The following MYH15 variants were observed in gnomAD, a reference collection of about 807,000 sequenced individuals.
MYH15 encodes myosin heavy chain 15.
A neutral mutation model predicts 240.5 loss-of-function variants in MYH15; 227 were observed. The ratio of observed to expected loss-of-function variants is 0.94; its 90% CI spans 0.85 to 1.05. The LOEUF (loss-of-function observed/expected upper bound fraction) is 1.05. Among genes scored for constraint, MYH15 ranks in the 50% least tolerant of loss-of-function variants. MYH15 has a pLI of 0.00. For missense variants in MYH15, 2,217 were observed against 2,247.5 expected, an observed-to-expected ratio of 0.99 and a Z score of 0.27; for synonymous variants, 785 against 796.7, an observed-to-expected ratio of 0.99 and a Z score of 0.25.
upstream of MYH15, among the ~76,000 whole-genome samples, chr3:108,532,122 T>C (rs982465064): frequency 3.3e-5 from 5 of 151,980 alleles, no homozygotes; most frequent in Non-Finnish European, 5.9e-5. Flanking sequence ...ATTTTCCCTA[T>C]ATAAAGATCC....
intron 1 of MYH15, among the ~76,000 whole-genome samples, chr3:108,521,828 T>C (rs1160738468): frequency 6.6e-6 from 1 of 152,174 alleles, no homozygotes; most frequent in African/African-American, 2.4e-5. Flanking sequence ...TCACAGGAAA[T>C]GGACATTAAA....
intron 13 of MYH15, 105 bp from the exon 14 acceptor site, chr3:108,470,317 G>A (rs1218259780): frequency 5.3e-6 from 4 of 757,778 alleles, no homozygotes; most frequent in Admixed American, 3.2e-5. Flanking sequence ...TATATGATCA[G>A]AAATAGACCC....
chr3:108,500,188 C>T lies in MYH15; in HGVS notation c.426G>A (p.Gly142=). 1.9e-6 allele frequency: 3 copies of T among 1,614,074 alleles called. No homozygotes were observed. Among genetic ancestry groups the T allele is most frequent in the Middle Eastern group, 1.6e-4 (1 of 6,062 alleles). ...YQKEVMAAYK[G]KRRSEAPPHI... ...GAGGGGGAGCCTCTGATCGCCTCTTCCCTTTGTAGGCGGCCATGACTTCTT... is the reference window on the plus strand; with the variant it reads ...GAGGGGGAGCCTCTGATCGCCTCTTTCCTTTGTAGGCGGCCATGACTTCTT... Residue 142 remains glycine, a synonymous_variant, in exon 4 of 41, where the codon GGG becomes GGA. Coordinates refer to ENST00000693548, the MANE Select transcript of MYH15 (RefSeq NM_014981.3).
Position 108,481,723 on chromosome 3 carries a change from C to T in MYH15, c.1114+3368G>A, listed in dbSNP as rs1398725790. ...TGAGAGACGAGAAAATGATAGATTTCGCTACTAACGGTAGGGATTAGAGAG... is the reference window on the plus strand; with the variant it reads ...TGAGAGACGAGAAAATGATAGATTTTGCTACTAACGGTAGGGATTAGAGAG... On this transcript the variant is annotated intron_variant, in intron 11 of 40. Transcript: ENST00000693548. Among the ~76,000 whole-genome samples, 4 of 152,090 alleles carry T rather than the reference C, an allele frequency of 2.6e-5. 1 individual carries two copies. The highest frequency in any genetic ancestry group is 6.6e-5 in the Admixed American group (1 of 15,260).
chr3:108,536,550 G>A, the MYH15 span, among the ~76,000 whole-genome samples: 4 of 152,172 alleles, frequency 2.6e-5, no homozygotes, highest in Non-Finnish European at 4.4e-5. Context: ...AGGGGAGAAA[G>A]GTGCTAACAT....
chr3:108,439,827 A>G lies in MYH15; in HGVS notation c.2985T>C (p.His995=). The change falls in exon 24 of 41, where the codon CAT becomes CAC. Residue 995 remains histidine, a synonymous_variant. Coordinates refer to ENST00000693548, the MANE Select transcript of MYH15 (RefSeq NM_014981.3). ...NRAAKVVQEA[H]QQTLDDLHME... ...TGTGCAGGTCATCCAGGGTCTGCTG[A>G]TGGGCCTCCTGCACAACCTTGGCTG... The G allele has an allele frequency of 3.1e-6, 5 of 1,613,652 alleles. No individual in the cohort carries two copies. The highest frequency in any genetic ancestry group is 4.2e-6 in the Non-Finnish European group (5 of 1,179,818).
rs1435167074 is a variant in MYH15, at chr3:108,408,342, T to C, written c.4558A>G (p.Lys1520Glu). Residue 1520 changes from lysine to glutamate, a missense_variant, in exon 32 of 41, where the codon AAG (lysine) becomes GAG (glutamate). Lys to Glu is a moderately conservative substitution (Grantham distance 56). Coordinates refer to ENST00000693548, the MANE Select transcript of MYH15 (RefSeq NM_014981.3). Reference protein sequence around the residue: ...EGTKNLTEMEKVKKLIEEEKT... With the variant: ...EGTKNLTEMEEVKKLIEEEKT... ...TCTTCTTCAATTAGTTTCTTGACCT[T>C]TTCCATTTCAGTTAAGTTCTTGGTC... The C allele has an allele frequency of 6.2e-7, 1 of 1,613,734 alleles. No individual in the cohort carries two copies. The highest frequency in any genetic ancestry group is 1.1e-5 in the South Asian group (1 of 91,036).
chr3:108,391,648 G>A, intron 37 of MYH15, 112 bp downstream of exon 37: 1 of 1,170,576 alleles, frequency 8.5e-7, no homozygotes, highest in South Asian at 1.5e-5. Context: ...AGTACTAAAA[G>A]CAAAAGTGAT....
At chr3:108,438,781 C>T (rs2082861840) in intron 24 of MYH15, among the ~76,000 whole-genome samples, 1 of 152,160 alleles carries the variant, frequency 6.6e-6, no homozygotes, top group South Asian at 2.1e-4. Flanking sequence ...AGGAAATAAA[C>T]TGCTATTTAT....
At chr3:108,456,001 A>G (rs2083016769) in intron 19 of MYH15, 142 bp from the exon 20 acceptor site, 1 of 831,940 alleles carries the variant, frequency 1.2e-6, no homozygotes, top group Non-Finnish European at 1.9e-6. Flanking sequence ...ATTCTTAGTA[A>G]CAATAATGAG....
At chr3:108,411,610 A>G (rs2082593620) in intron 30 of MYH15, among the ~76,000 whole-genome samples, 1 of 152,060 alleles carries the variant, frequency 6.6e-6, no homozygotes, top group Non-Finnish European at 1.5e-5. Context: ...TTCTTTCTCC[A>G]CCACCCCCGT....
chr3:108,469,265 A>G (rs2083149862), intron 14 of MYH15, among the ~76,000 whole-genome samples: 1 of 152,192 alleles, frequency 6.6e-6, no homozygotes, highest in African/African-American at 2.4e-5. Context: ...TAGAGTATTC[A>G]GGAAATGAAA....
intron 35 of MYH15, among the ~76,000 whole-genome samples, chr3:108,397,043 GC>G (rs2082467206): frequency 2.0e-5 from 3 of 152,216 alleles, no homozygotes; most frequent in African/African-American, 7.2e-5. Flanking sequence ...GTTTCTAAAT[GC>G]CCCAGAGTGT....
chr3:108,489,528 G>A (rs924161782), intron 9 of MYH15, among the ~76,000 whole-genome samples: 1 of 152,190 alleles, frequency 6.6e-6, no homozygotes, highest in Non-Finnish European at 1.5e-5. Flanking sequence ...ACAAGGGTCA[G>A]ATATAATTGA....
chr3:108,392,050 C>A (rs1293742221), intron 36 of MYH15, 120 bp from the exon 37 acceptor site: 4 of 1,083,594 alleles, frequency 3.7e-6, no homozygotes, highest in Non-Finnish European at 5.4e-6. Context: ...TGTATGTGAT[C>A]TCTTCCCATT....
rs1187149689 is a variant in MYH15 at position 108,399,059 on chromosome 3, TAC to T, written c.4929+14_4929+15del. The T allele has an allele frequency of 6.2e-7, 1 of 1,608,246 alleles. No individual in the cohort carries two copies. The highest frequency in any genetic ancestry group is 1.1e-5 in the South Asian group (1 of 90,456). On this transcript the variant is annotated intron_variant, in intron 34 of 40. Coordinates refer to ENST00000693548, the MANE Select transcript of MYH15 (RefSeq NM_014981.3). Reference sequence around the variant, plus strand: ...TTTTCCACCCCTCCCTACCCCATCTTACAGTTTTAAAATACCTTGATTTGAAT... The same window carrying T: ...TTTTCCACCCCTCCCTACCCCATCTTAGTTTTAAAATACCTTGATTTGAAT...
At chr3:108,421,886 C>T (rs1290836097) in intron 27 of MYH15, among the ~76,000 whole-genome samples, 1 of 152,232 alleles carries the variant, frequency 6.6e-6, no homozygotes, top group Non-Finnish European at 1.5e-5. Flanking sequence ...CCAAACCCAA[C>T]TTCTCAGAAT....
intron 2 of MYH15, among the ~76,000 whole-genome samples, chr3:108,503,697 C>T (rs903460351): frequency 1.3e-5 from 2 of 152,100 alleles, no homozygotes; most frequent in Non-Finnish European, 1.5e-5. Flanking sequence ...TTATATGTTG[C>T]TGGTGGAAAC....
At chr3:108,522,140 G>A (rs937717537) in intron 1 of MYH15, among the ~76,000 whole-genome samples, 3 of 152,072 alleles carry the variant, frequency 2.0e-5, no homozygotes, top group Admixed American at 2.0e-4. Flanking sequence ...TAGACTCGGA[G>A]GGCAGGTGGT....
Sources: gnomAD v4.1 joint callset for allele counts (sites outside exome capture counted in the v4.1 genomes callset) on GRCh38, gnomAD v4.1.1 for gene constraint, MANE v1.5 for transcripts, NCBI Gene and HGNC (gene_info 2026-07-23, HGNC 2026-07-21) for gene names.